PLIN3: variants seen among roughly 807,000 people sequenced by gnomAD.
PLIN3 encodes perilipin-3.
PLIN3 carries 30 observed loss-of-function variants against 35.9 expected under a neutral mutation model. The ratio of observed to expected loss-of-function variants is 0.84; its 90% confidence interval spans 0.62 to 1.13. The LOEUF is 1.13. Among genes scored for constraint, PLIN3 ranks in the 50% most tolerant of loss-of-function variants. The pLI is 0.00. For missense variants in PLIN3, 603 were observed against 596.9 expected, an observed-to-expected ratio of 1.01 and a Z score of -0.11; for synonymous variants, 261 against 262.5, an observed-to-expected ratio of 0.99 and a Z score of 0.06.
intron 5 of PLIN3, among the ~76,000 whole-genome samples, chr19:4,848,653 G>A (rs552687937): frequency 4.5e-4 from 69 of 152,346 alleles, no homozygotes; most frequent in African/African-American, 1.6e-3. Context: ...GATCACTTGA[G>A]GTCAGGAGTT....
At position 4,839,111 on chromosome 19, in the gene PLIN3, T is replaced by C; in HGVS notation, c.*81A>G. ...CTGGGAGGAGTGGCTAGAAAATAAG[T>C]TTGAAATGAGCCCCGGGTTGAGGAC... On this transcript the variant is annotated 3_prime_UTR_variant, in exon 8 of 8. Coordinates refer to ENST00000221957, the MANE Select transcript of PLIN3 (RefSeq NM_005817.5). 1 of 1,178,940 alleles carries C rather than the reference T, an allele frequency of 8.5e-7. No homozygotes were observed. Among genetic ancestry groups the C allele is most frequent in the Non-Finnish European group, 1.2e-6 (1 of 833,680 alleles). 73.0% of individuals were successfully genotyped at this position (1,178,940 alleles called of 1,614,324 possible).
rs1427387183 is a variant in PLIN3 at position 4,839,307 on chromosome 19, G to A, written c.1190C>T (p.Ala397Val). 18 of 1,613,910 alleles carry A rather than the reference G, an allele frequency of 1.1e-5. No homozygotes were observed. Among genetic ancestry groups the A allele is most frequent in the Non-Finnish European group, 1.4e-5 (16 of 1,179,990 alleles). The change falls in exon 8 of 8, where the codon GCC (alanine) becomes GTC (valine). Residue 397 changes from alanine (A) to valine (V), a missense_variant. Ala to Val is a moderately conservative substitution (Grantham distance 64). Transcript: ENST00000221957. The stretch of plus-strand genomic sequence containing the variant: ...CACCATGTGGTCCAGGGCCTCGCGG[G>A]CGCTGGCGACACGCTCACGGCTCTG... ...LAQSRERVAS[A>V]REALDHMVEY... is the part of the protein sequence containing the mutation.
At chr19:4,851,864 G>T in intron 5 of PLIN3, 152 bp downstream of exon 5, 1 of 783,914 alleles carries the variant, frequency 1.3e-6, no homozygotes. Flanking sequence ...GGACAGAGGG[G>T]ACTGCGTTAG....
Position 4,861,315 on chromosome 19 carries a change from CG to C in PLIN3, c.66+13del, listed in dbSNP as rs766229737. On this transcript the variant is annotated intron_variant, in intron 2 of 7. Coordinates refer to ENST00000221957, the MANE Select transcript of PLIN3 (RefSeq NM_005817.5). ...ACAGGGTCGGGGCAGTCCCTGGTCC[CG>C]GCCCTTCCTCACCTGCTGTACCGGT... 1 of 1,611,718 alleles carries C rather than the reference CG, an allele frequency of 6.2e-7. No homozygotes were observed. Among genetic ancestry groups the C allele is most frequent in the East Asian group, 2.2e-5 (1 of 44,848 alleles).
chr19:4,856,988 A>G (rs2030497111), intron 4 of PLIN3, among the ~76,000 whole-genome samples: 1 of 151,972 alleles, frequency 6.6e-6, no homozygotes, highest in East Asian at 1.9e-4. Flanking sequence ...GTAAGGCGTG[A>G]GCCACCACGC....
chr19:4,839,390 G>A lies in PLIN3; in HGVS notation c.1107C>T (p.Leu369=). The change falls in exon 8 of 8, where the codon CTC becomes CTT. Residue 369 remains leucine, a synonymous_variant. Coordinates refer to ENST00000221957, the MANE Select transcript of PLIN3 (RefSeq NM_005817.5). ...AGTGGATGCTGGAAAACGTGGCCTG[G>A]AGGTCCTCCACCTGGCGGCGGGCCT... ...VQQARRQVED[L]QATFSSIHSF... 6.2e-7 allele frequency: 1 copy of A among 1,612,304 alleles called. No individual in the cohort carries two copies. The highest frequency in any genetic ancestry group is 8.5e-7 in the Non-Finnish European group (1 of 1,178,604).
At chr19:4,856,361 C>T (rs1224630132) in intron 4 of PLIN3, among the ~76,000 whole-genome samples, 2 of 152,154 alleles carry the variant, frequency 1.3e-5, no homozygotes, top group South Asian at 2.1e-4. Context: ...GAGTTCGAGA[C>T]CAGCCTGACC....
intron 1 of PLIN3, among the ~76,000 whole-genome samples, chr19:4,865,181 G>A (rs2030807284): frequency 6.7e-6 from 1 of 150,266 alleles, no homozygotes; most frequent in African/African-American, 2.5e-5. Flanking sequence ...GACAGAGGAA[G>A]ACTCCATCTC....
intron 4 of PLIN3, 25 bp from the exon 5 acceptor site, chr19:4,852,326 T>A (rs1258187435): frequency 6.3e-7 from 1 of 1,591,458 alleles, no homozygotes; most frequent in Non-Finnish European, 8.5e-7. Flanking sequence ...AGCATCAGCA[T>A]CTCTGCCTTC....
chr19:4,839,568 C>A, intron 7 of PLIN3, 32 bp from the exon 8 acceptor site: 1 of 1,455,440 alleles, frequency 6.9e-7, no homozygotes, highest in Non-Finnish European at 9.1e-7. Context: ...CCAATCAGGA[C>A]CATTTGTTTC....
intron 7 of PLIN3, among the ~76,000 whole-genome samples, chr19:4,843,141 G>T (rs904508132): frequency 2.6e-5 from 4 of 151,996 alleles, no homozygotes; most frequent in African/African-American, 9.7e-5. Flanking sequence ...AGAACCACTT[G>T]AACCCAGGAG....
intron 4 of PLIN3, among the ~76,000 whole-genome samples, chr19:4,859,316 G>GTTCC (rs2030586148): frequency 6.6e-6 from 1 of 152,156 alleles, no homozygotes; most frequent in African/African-American, 2.4e-5. Context: ...GAGGTCAGGA[G>GTTCC]TTCGAGACCA....
chr19:4,843,510 A>AAAATAAAT (rs111319930), intron 7 of PLIN3, among the ~76,000 whole-genome samples: 2,057 of 139,498 alleles, frequency 0.015, 53 homozygotes, highest in African/African-American at 0.045. Flanking sequence ...TCCATCTCAA[A>AAAATAAAT]AAATAAATAA....
At chr19:4,866,037 A>G (rs1343568138) in intron 1 of PLIN3, among the ~76,000 whole-genome samples, 1 of 137,156 alleles carries the variant, frequency 7.3e-6, no homozygotes, top group African/African-American at 2.8e-5. Context: ...TTTTTTTTTG[A>G]GACAGAGTCT....
intron 6 of PLIN3, among the ~76,000 whole-genome samples, chr19:4,846,096 C>T (rs928407945): frequency 8.3e-5 from 12 of 144,702 alleles, no homozygotes; most frequent in Admixed American, 4.2e-4. Flanking sequence ...GCATGGTGGC[C>T]GGCGCCTGTA....
At chr19:4,842,913 T>C (rs2029941509) in intron 7 of PLIN3, among the ~76,000 whole-genome samples, 1 of 152,166 alleles carries the variant, frequency 6.6e-6, no homozygotes, top group African/African-American at 2.4e-5. Flanking sequence ...TATGATCTCA[T>C]TTCAGTTTTT....
intron 5 of PLIN3, among the ~76,000 whole-genome samples, chr19:4,850,862 G>A (rs1034362802): frequency 2.6e-5 from 4 of 152,002 alleles, no homozygotes; most frequent in South Asian, 2.1e-4. Flanking sequence ...GAGCCACCGC[G>A]CCCTGCCTAT....
At chr19:4,862,374 C>T (rs974295496) in intron 1 of PLIN3, among the ~76,000 whole-genome samples, 21 of 151,958 alleles carry the variant, frequency 1.4e-4, no homozygotes, top group Non-Finnish European at 2.9e-4. Flanking sequence ...CCTCGTGATC[C>T]GCCCGCCTCG....
At chr19:4,864,339 T>TG (rs1173473638) in intron 1 of PLIN3, among the ~76,000 whole-genome samples, 23 of 151,704 alleles carry the variant, frequency 1.5e-4, no homozygotes, top group African/African-American at 5.6e-4. Flanking sequence ...TTAGTAGAGA[T>TG]GGGGTTTCAC....
Sources: gnomAD v4.1 joint callset for allele counts (sites outside exome capture counted in the v4.1 genomes callset) on GRCh38, gnomAD v4.1.1 for gene constraint, MANE v1.5 for transcripts, NCBI Gene and HGNC (gene_info 2026-07-23, HGNC 2026-07-21) for gene names.